TAC1: variants seen among roughly 807,000 people sequenced by gnomAD.
TAC1 encodes protachykinin-1.
Under a neutral mutation model 21.7 loss-of-function variants are expected in TAC1, and 12 were observed. The observed-to-expected ratio is 0.55, with a 90% CI of 0.35 to 0.89. The LOEUF (loss-of-function observed/expected upper bound fraction) is 0.89. Ranked by LOEUF, TAC1 falls within the 40% of genes least tolerant of loss-of-function variation. The probability of loss-of-function intolerance (pLI) is 0.01; values close to 1 mark genes in which losing one functional copy is unlikely to be tolerated. For missense variants in TAC1, 128 were observed against 151.4 expected (o/e 0.85, Z 0.81); for synonymous variants, 52 against 52.0 (o/e 1.00, Z 0.00).
intron 6 of TAC1, among the ~76,000 whole-genome samples, chr7:97,738,798 T>A (rs1398979555): frequency 6.6e-6 from 1 of 151,924 alleles, no homozygotes; most frequent in East Asian, 1.9e-4. Flanking sequence ...CCTTCACAGA[T>A]CTTTCTACTC....
At chr7:97,734,091 G>T in intron 3 of TAC1, 157 bp from the exon 4 acceptor site, 2 of 744,758 alleles carry the variant, frequency 2.7e-6, no homozygotes, top group South Asian at 3.6e-5. Context: ...CGGGCCTCCA[G>T]GGGTAGTACT....
chr7:97,736,295 C>G lies in TAC1; in HGVS notation c.290-4C>G, dbSNP rs1789572877. ...TTAAAATACCCCTAAATGTATTTTT[C>G]CAGGACATAAAACAGATTCCTTTGT... On this transcript the variant is annotated splice_region_variant and splice_polypyrimidine_tract_variant and intron_variant, in intron 5 of 6. Coordinates refer to ENST00000319273, the MANE Select transcript of TAC1 (RefSeq NM_003182.3). The G allele has an allele frequency of 6.2e-7, 1 of 1,609,390 alleles. No individual in the cohort carries two copies. The highest frequency in any genetic ancestry group is 1.3e-5 in the African/African-American group (1 of 74,672).
rs562073833 is a variant in TAC1 at position 97,735,097 on chromosome 7, T to G, written c.289+248T>G. 2.6e-5 allele frequency among the ~76,000 whole-genome samples: 4 copies of G among 152,248 alleles called. No homozygotes were observed. The East Asian group carries it at 7.7e-4, about 29-fold the overall frequency. On this transcript the variant is annotated intron_variant, in intron 5 of 6. Transcript: ENST00000319273. ...CTTTTAAGTCCCTTCAATTGTTAGT[T>G]TTAGAGAAGAATTTCAATCCTAGGA...
intron 2 of TAC1, among the ~76,000 whole-genome samples, chr7:97,733,422 C>T (rs1274955255): frequency 1.3e-5 from 2 of 151,960 alleles, no homozygotes; most frequent in Non-Finnish European, 1.5e-5. Flanking sequence ...AGTCAGGTGG[C>T]GGCGCAGCAG....
chr7:97,733,109 C>CG (rs530947761), intron 2 of TAC1: 101 of 191,694 alleles, frequency 5.3e-4, no homozygotes, highest in Admixed American at 7.1e-4. Flanking sequence ...CAGAGGAGGG[C>CG]GCCTGGGTCG....
At chr7:97,734,461 C>CTCTCTCTCTCTG (rs1310924951) in intron 4 of TAC1, among the ~76,000 whole-genome samples, 169 bp downstream of exon 4, 1 of 151,464 alleles carries the variant, frequency 6.6e-6, no homozygotes, top group Non-Finnish European at 1.5e-5. Context: ...CTCTCTCTGT[C>CTCTCTCTCTCTG]TCTCTCTCTC....
chr7:97,735,862 T>G (rs1322224715), intron 5 of TAC1, among the ~76,000 whole-genome samples: 2 of 152,122 alleles, frequency 1.3e-5, no homozygotes, highest in Non-Finnish European at 2.9e-5. Flanking sequence ...TAGAAGATTA[T>G]AATCATCAAG....
At chr7:97,736,471 G>C (rs1584417970) in intron 6 of TAC1, 119 bp downstream of exon 6, 2 of 943,834 alleles carry the variant, frequency 2.1e-6, no homozygotes, top group East Asian at 5.2e-5. Context: ...TATTATGGTG[G>C]AAAAATTTAA....
rs113581170 is a variant in TAC1, at chr7:97,732,952, G to A, written c.123+217G>A. 14,789 of 578,140 alleles carry A rather than the reference G, an allele frequency of 0.026. 256 individuals are homozygous for A. The highest frequency in any genetic ancestry group is 0.031 in the Non-Finnish European group (10,655 of 341,270). 35.8% of individuals were successfully genotyped at this position (578,140 alleles called of 1,614,324 possible). A position where few individuals can be genotyped will look rare whatever the true frequency, so the allele number is the denominator to read the frequency against. ...TTTCTTCCCGAGGGCTGCACCGTCC[G>A]GCCCAGGAACTCCCTGCAGTAGGGA... On this transcript the variant is annotated intron_variant, in intron 2 of 6. Coordinates refer to ENST00000319273, the MANE Select transcript of TAC1 (RefSeq NM_003182.3). The surrounding 1 kb of genome is among the most constrained non-coding windows in gnomAD (Gnocchi z 6.2).
intron 6 of TAC1, among the ~76,000 whole-genome samples, chr7:97,738,690 AG>A (rs1789630223): frequency 6.6e-6 from 1 of 152,030 alleles, no homozygotes; most frequent in South Asian, 2.1e-4. Flanking sequence ...GTATTAAAAG[AG>A]GGAAGTGATA....
At chr7:97,733,864 G>C (rs1789497964) in intron 3 of TAC1, 45 bp downstream of exon 3, 1 of 1,570,040 alleles carries the variant, frequency 6.4e-7, no homozygotes, top group East Asian at 2.2e-5. Context: ...AGCCCGCCCT[G>C]TCTGCTCACT....
rs898829132 is a variant in TAC1, at chr7:97,732,846, G to A, written c.123+111G>A. ...GTGGCACGCACCGCCACCACGGAAA[G>A]AGGCAGCGGTTGCGTGCGAGAGGAT... On this transcript the variant is annotated intron_variant, in intron 2 of 6. Transcript: ENST00000319273. The surrounding 1 kb of genome is among the most constrained non-coding windows in gnomAD (Gnocchi z 6.2). 1.4e-6 allele frequency: 2 copies of A among 1,404,288 alleles called. No individual in the cohort carries two copies. Among genetic ancestry groups the A allele is most frequent in the Non-Finnish European group, 1.9e-6 (2 of 1,043,404 alleles). 87.0% of individuals were successfully genotyped at this position (1,404,288 alleles called of 1,614,324 possible). A position where few individuals can be genotyped will look rare whatever the true frequency, so the allele number is the denominator to read the frequency against.
At position 97,733,814 on chromosome 7, in the gene TAC1, A is replaced by T. The variant is rs1482194637; in HGVS notation, c.215A>T (p.Asp72Val). 1.2e-6 allele frequency: 2 copies of T among 1,613,916 alleles called. No homozygotes were observed. Among genetic ancestry groups the T allele is most frequent in the Non-Finnish European group, 1.7e-6 (2 of 1,179,986 alleles). Reference protein sequence around the residue: ...QQFFGLMGKRDADSSIEKQVA... With the variant: ...QQFFGLMGKRVADSSIEKQVA... ...TTCTTTGGATTAATGGGCAAACGGGATGCTGGTGAGATAGGCGACCGTCCC... is the reference window on the plus strand; with the variant it reads ...TTCTTTGGATTAATGGGCAAACGGGTTGCTGGTGAGATAGGCGACCGTCCC... Residue 72 changes from aspartate (D) to valine (V), a missense_variant, in exon 3 of 7, where the codon GAT (aspartate) becomes GTT (valine). Coordinates refer to ENST00000319273, the MANE Select transcript of TAC1 (RefSeq NM_003182.3).
chr7:97,739,107 G>A (rs78377407), intron 6 of TAC1, among the ~76,000 whole-genome samples: 1 of 151,406 alleles, frequency 6.6e-6, no homozygotes, highest in East Asian at 1.9e-4. Context: ...AATAATTAAT[G>A]CTTCACAGGC....
chr7:97,733,366 T>C (rs962299542), intron 2 of TAC1, among the ~76,000 whole-genome samples: 20 of 151,402 alleles, frequency 1.3e-4, no homozygotes, highest in African/African-American at 4.9e-4. Context: ...CCTGTGTGCA[T>C]TTAGGGCGGT....
chr7:97,734,804 G>A lies in TAC1; in HGVS notation c.266-22G>A, dbSNP rs1358149825. 4 of 1,579,406 alleles carry A rather than the reference G, an allele frequency of 2.5e-6. No individual in the cohort carries two copies. In the African/African-American group the frequency reaches 5.4e-5, roughly 21 times the overall value. ...TTTAAAAACAAATCTATATGTGTTTGCTAATTTTATCTTTCTTCTAGGACA... is the reference window on the plus strand; with the variant it reads ...TTTAAAAACAAATCTATATGTGTTTACTAATTTTATCTTTCTTCTAGGACA... On this transcript the variant is annotated intron_variant, in intron 4 of 6. Transcript: ENST00000319273.
rs568097343 is a variant in TAC1 at position 97,732,463 on chromosome 7, G to A, written c.-9-141G>A. On this transcript the variant is annotated intron_variant, in intron 1 of 6. Coordinates refer to ENST00000319273, the MANE Select transcript of TAC1 (RefSeq NM_003182.3). The surrounding 1 kb of genome is among the most constrained non-coding windows in gnomAD (Gnocchi z 6.2). ...CGATTCTCTCGCCTAACCGGTACAG[G>A]TGAGACTTCAGTCCTTATGTTTTTG... 19 of 978,604 alleles carry A rather than the reference G, an allele frequency of 1.9e-5. No homozygotes were observed. The East Asian group carries it at 3.9e-4, about 20-fold the overall frequency. The allele number at this position is 978,604 out of a possible 1,614,324, so 60.6% of individuals were successfully genotyped here. A position where few individuals can be genotyped will look rare whatever the true frequency, so the allele number is the denominator to read the frequency against.
intron 6 of TAC1, 49 bp downstream of exon 6, chr7:97,736,401 C>A: frequency 6.7e-7 from 1 of 1,484,444 alleles, no homozygotes; most frequent in Admixed American, 1.9e-5. Flanking sequence ...AAATCTATTT[C>A]TATTTTTTCT....
In TAC1 at chr7:97,732,669, A is replaced by C; in HGVS notation, c.57A>C (p.Ala19=). ...VFFLVSTQLF[A]EEIGANDDLN... ...TTCTTGTCTCCACTCAGCTGTTTGC[A>C]GAAGAAATAGGAGCCAATGATGATC... The change falls in exon 2 of 7, where the codon GCA becomes GCC. Residue 19 remains alanine (A), a synonymous_variant. Coordinates refer to ENST00000319273, the MANE Select transcript of TAC1 (RefSeq NM_003182.3). This position sits in a 1 kb window ranked among gnomAD's most constrained non-coding sequence, Gnocchi z 6.2. 1 of 1,614,070 alleles carries C rather than the reference A, an allele frequency of 6.2e-7. No individual in the cohort carries two copies. The highest frequency in any genetic ancestry group is 8.5e-7 in the Non-Finnish European group (1 of 1,180,024).
Sources: gnomAD v4.1 joint callset for allele counts (sites outside exome capture counted in the v4.1 genomes callset) on GRCh38, gnomAD v4.1.1 for gene constraint, Gnocchi (gnomAD v3.1) non-coding constraint, MANE v1.5 for transcripts, NCBI Gene and HGNC (gene_info 2026-07-23, HGNC 2026-07-21) for gene names.